Variants in DIDO1 observed in about 807,000 individuals in gnomAD.
DIDO1 encodes death inducer-obliterator 1.
In DIDO1, 16 loss-of-function variants were observed where a neutral mutation model predicts 99.4. The ratio of observed to expected loss-of-function variants is 0.16; its 90% CI spans 0.11 to 0.24. The LOEUF is 0.24. DIDO1 is among the 10% of genes least tolerant of loss of function. The pLI is 1.00. For synonymous variants in DIDO1, 1,366 were observed against 1,239.1 expected (o/e 1.10, Z -2.15); for missense variants, 2,996 against 3,014.0 (o/e 0.99, Z 0.14).
chr20:62,898,438 A>G (rs934637868), intron 6 of DIDO1, among the ~76,000 whole-genome samples: 2 of 152,244 alleles, frequency 1.3e-5, no homozygotes, highest in African/African-American at 4.8e-5. Context: ...ATGGATCCAA[A>G]AAGCGGTGTC....
rs200558964 is a variant in DIDO1, at chr20:62,881,606, G to C, written c.4350C>G (p.Ala1450=). Residue 1450 remains alanine, a synonymous_variant, in exon 16 of 16, where the codon GCC becomes GCG. Coordinates refer to ENST00000395343, the MANE Select transcript of DIDO1 (RefSeq NM_001193369.2). The surrounding 1 kb of genome is among the most constrained non-coding windows in gnomAD (Gnocchi z 8.3). ...TCTCCACGGAGTTCCTTCTCACGTC[G>C]GCACACATCCTGTTGGGCAGGTCAT... is the stretch of plus-strand genomic sequence containing the variant. ...TVDDLPNRMC[A]DVRRNSVERP... 6.2e-7 allele frequency: 1 copy of C among 1,612,124 alleles called. No individual in the cohort carries two copies. Among genetic ancestry groups the C allele is most frequent in the East Asian group, 2.2e-5 (1 of 44,874 alleles).
At chr20:62,928,933 C>A (rs1470809739), upstream of DIDO1, 3 of 151,950 alleles carry the variant, frequency 2.0e-5, no homozygotes, top group African/African-American at 7.3e-5. Flanking sequence ...CAGGGAAAGT[C>A]TTTGAAAGTA....
chr20:62,928,980 G>C (rs536244646), upstream of DIDO1: 9 of 152,256 alleles, frequency 5.9e-5, no homozygotes, highest in African/African-American at 2.2e-4. Context: ...AAAAAAAATG[G>C]CTTTCCGCTG....
chr20:62,909,053 T>G (rs1473259854), intron 4 of DIDO1, among the ~76,000 whole-genome samples: 1 of 152,228 alleles, frequency 6.6e-6, no homozygotes, highest in African/African-American at 2.4e-5. Context: ...ATCCTCACCT[T>G]GCAGCTAATG....
chr20:62,922,139 T>TAC (rs139183167), intron 1 of DIDO1, among the ~76,000 whole-genome samples: 5,600 of 146,396 alleles, frequency 0.038, 359 homozygotes, highest in African/African-American at 0.13. Context: ...TATACATATA[T>TAC]ACACACACAC....
intron 14 of DIDO1, among the ~76,000 whole-genome samples, chr20:62,891,516 C>A (rs1023219063): frequency 1.3e-5 from 2 of 152,190 alleles, no homozygotes; most frequent in East Asian, 3.9e-4. Flanking sequence ...GACAGACACG[C>A]ACAGCTGTAG....
Position 62,909,688 on chromosome 20 carries a change from C to G in DIDO1, c.1161+11G>C. 1 of 1,611,126 alleles carries G rather than the reference C, an allele frequency of 6.2e-7. No homozygotes were observed. The highest frequency in any genetic ancestry group is 8.5e-7 in the Non-Finnish European group (1 of 1,177,668). ...ACTGCTGAATGCTCGTCTCAGCGGA[C>G]AAACACTTACAGGCTGGAAGATCTT... On this transcript the variant is annotated intron_variant, in intron 4 of 15. Transcript: ENST00000395343.
chr20:62,916,684 A>G (rs2065044103), intron 1 of DIDO1, among the ~76,000 whole-genome samples: 1 of 152,172 alleles, frequency 6.6e-6, no homozygotes, highest in Admixed American at 6.5e-5. Flanking sequence ...TTCTGCCCTC[A>G]ATCTGTTCCC....
intron 15 of DIDO1, among the ~76,000 whole-genome samples, chr20:62,883,756 G>T (rs2064250670): frequency 6.6e-6 from 1 of 152,096 alleles, no homozygotes; most frequent in Non-Finnish European, 1.5e-5. Flanking sequence ...AACCCAGGAG[G>T]TGGAGGTTGC....
rs1403633911 is a variant in DIDO1 at position 62,880,258 on chromosome 20, G to A, written c.5698C>T (p.Leu1900=). The change falls in exon 16 of 16, where the codon CTG becomes TTG. Residue 1900 remains leucine (L), a synonymous_variant. Coordinates refer to ENST00000395343, the MANE Select transcript of DIDO1 (RefSeq NM_001193369.2). ...GGQRRPLLSQ[L]KGPRGGPPPS... The stretch of plus-strand genomic sequence containing the variant: ...GGGGGGCCGCCTCGGGGGCCTTTCA[G>A]CTGAGACAGCAGTGGCCTTCTCTGG... The A allele has an allele frequency of 1.2e-6, 2 of 1,612,554 alleles. No homozygotes were observed. Among genetic ancestry groups the A allele is most frequent in the African/African-American group, 1.3e-5 (1 of 74,956 alleles).
chr20:62,934,903 G>C (rs1312542299), intron 1 of DIDO1, among the ~76,000 whole-genome samples: 1 of 152,152 alleles, frequency 6.6e-6, no homozygotes, highest in Non-Finnish European at 1.5e-5. Context: ...CCCTTCATAG[G>C]CAGCTTCTTC....
chr20:62,891,673 T>C (rs531732653), intron 14 of DIDO1, among the ~76,000 whole-genome samples: 2 of 152,124 alleles, frequency 1.3e-5, no homozygotes, highest in South Asian at 2.1e-4. Context: ...CTTCCTAAAA[T>C]TTAACCGCAC....
chr20:62,888,891 G>A (rs1367747866), intron 15 of DIDO1: 1 of 985,332 alleles, frequency 1.0e-6, no homozygotes, highest in Non-Finnish European at 1.2e-6. Context: ...ACATTATACT[G>A]AAGTCTTAAG....
rs199518439 is a variant in DIDO1 at position 62,911,131 on chromosome 20, A to C, written c.482T>G (p.Leu161Trp). The stretch of plus-strand genomic sequence containing the variant: ...GCGAAGGCGATTCTGAAGCTCTTTC[A>C]AGGTCAGGCCATCGCTGTCACTATC... ...TSDSDSDGLT[L>W]KELQNRLRRK... Residue 161 changes from leucine (L) to tryptophan (W), a missense_variant, in exon 3 of 16, where the codon TTG (leucine) becomes TGG (tryptophan). Physicochemically the swap from Leu to Trp is moderately conservative, Grantham distance 61. This residue lies in a region of DIDO1 where 388 missense variants were observed against 376.6 expected (regional missense o/e 1.03). Transcript: ENST00000395343. The surrounding 1 kb of genome is among the most constrained non-coding windows in gnomAD (Gnocchi z 7.0). The C allele has an allele frequency of 6.2e-7, 1 of 1,613,960 alleles. No individual in the cohort carries two copies. Among genetic ancestry groups the C allele is most frequent in the Non-Finnish European group, 8.5e-7 (1 of 1,180,006 alleles).
intron 1 of DIDO1, among the ~76,000 whole-genome samples, chr20:62,922,674 T>C (rs2065178213): frequency 6.6e-6 from 1 of 152,210 alleles, no homozygotes; most frequent in African/African-American, 2.4e-5. Context: ...CCAAATCATC[T>C]GCGGCAAGTG....
At chr20:62,921,463 T>C (rs1159876723) in intron 1 of DIDO1, among the ~76,000 whole-genome samples, 1 of 152,114 alleles carries the variant, frequency 6.6e-6, no homozygotes, top group African/African-American at 2.4e-5. Context: ...TAGCATTCAC[T>C]TTTTCCAGAC....
rs548883254 is a variant in DIDO1, at chr20:62,903,309, G to A, written c.1588+2578C>T. ...TTGGACAGGAACCCCCAGGTCAACC[G>A]AGTGCCATGGGAAGGACAGGAGGGT... On this transcript the variant is annotated intron_variant, in intron 6 of 15. Transcript: ENST00000395343. Among the ~76,000 whole-genome samples, 4 of 152,324 alleles carry A rather than the reference G, an allele frequency of 2.6e-5. No homozygotes were observed. The East Asian group carries it at 5.8e-4, about 22-fold the overall frequency.
rs575477943 is a variant in DIDO1, at chr20:62,915,847, T to G, written c.-199-1441A>C. 4.1e-4 allele frequency among the ~76,000 whole-genome samples: 63 copies of G among 152,288 alleles called. No individual in the cohort carries two copies. In the East Asian group the frequency reaches 0.012, roughly 28 times the overall value. ...TTAAGAAGTTCTCGGGAACGAAAAC[T>G]GATTTTTAAAAATTCAATTTATGTT... On this transcript the variant is annotated intron_variant, in intron 1 of 15. Transcript: ENST00000395343.
At chr20:62,895,290 T>C (rs2064493716) in intron 8 of DIDO1, 125 bp from the exon 9 acceptor site, 2 of 832,294 alleles carry the variant, frequency 2.4e-6, no homozygotes, top group Non-Finnish European at 3.9e-6. Flanking sequence ...AGGGCCCACT[T>C]GCGTGTGGCA....
Sources: allele counts gnomAD v4.1 joint callset (sites outside exome capture counted in the v4.1 genomes callset), GRCh38; gene constraint gnomAD v4.1.1; regional missense constraint gnomAD v4.1.1; non-coding constraint Gnocchi (gnomAD v3.1); transcripts MANE v1.5; gene names NCBI Gene and HGNC (gene_info 2026-07-23, HGNC 2026-07-21).